Variants in PPFIBP1 observed in about 807,000 individuals in gnomAD.
PPFIBP1 encodes the protein liprin-beta-1.
In PPFIBP1, 112 loss-of-function variants were observed where a neutral mutation model predicts 137.8. The ratio of observed to expected loss-of-function variants is 0.81; its 90% confidence interval spans 0.70 to 0.95. The LOEUF (loss-of-function observed/expected upper bound fraction) is 0.95. PPFIBP1 is among the 40% of genes least tolerant of loss of function. The pLI, the probability that PPFIBP1 is intolerant of heterozygous loss-of-function variation, is 0.00. For missense variants in PPFIBP1, 1,083 were observed against 1,196.6 expected, an observed-to-expected ratio of 0.91 and a Z score of 1.40; for synonymous variants, 378 against 417.3, an observed-to-expected ratio of 0.91 and a Z score of 1.15.
At chr12:27,676,901 G>C in intron 18 of PPFIBP1, 163 bp from the exon 19 acceptor site, 1 of 860,250 alleles carries the variant, frequency 1.2e-6, no homozygotes, top group East Asian at 2.6e-5. Context: ...AATTAACATT[G>C]ACGTTGAGCC....
intron 2 of PPFIBP1, among the ~76,000 whole-genome samples, chr12:27,607,356 C>T (rs1337015863): frequency 6.6e-6 from 1 of 152,174 alleles, no homozygotes; most frequent in African/African-American, 2.4e-5. Flanking sequence ...AATGGCATTA[C>T]TAGGGGAAGC....
intron 22 of PPFIBP1, 25 bp downstream of exon 22, chr12:27,681,721 C>T (rs1174626179): frequency 6.2e-7 from 1 of 1,611,972 alleles, no homozygotes; most frequent in Non-Finnish European, 8.5e-7. Context: ...GTTTTGTTCA[C>T]ACAATGGATA....
At chr12:27,692,252 A>G (rs191136064) in intron 28 of PPFIBP1, among the ~76,000 whole-genome samples, 1 of 152,284 alleles carries the variant, frequency 6.6e-6, no homozygotes, top group East Asian at 1.9e-4. Flanking sequence ...ATATTTACCA[A>G]TATTTTGCCA....
chr12:27,687,336 C>A (rs1199817408), intron 24 of PPFIBP1, 49 bp from the exon 25 acceptor site: 1 of 1,576,124 alleles, frequency 6.3e-7, no homozygotes, highest in South Asian at 1.2e-5. Context: ...AGAAAGTCCT[C>A]CTGCTACAGG....
rs561082756 is a variant in PPFIBP1, at chr12:27,649,496, A to G, written c.472-514A>G. Among the ~76,000 whole-genome samples the G allele has an allele frequency of 3.3e-5, 5 of 152,330 alleles. No homozygotes were observed. In the South Asian group the frequency reaches 1.0e-3, roughly 32 times the overall value. ...CATATGTCTCCCTCAGTAAACTGAC[A>G]TGTGCTTATTTCTGTTCAAAGGAGG... On this transcript the variant is annotated intron_variant, in intron 6 of 29. Coordinates refer to ENST00000228425, the MANE Select transcript of PPFIBP1 (RefSeq NM_003622.4).
chr12:27,528,784 T>C lies in PPFIBP1; in HGVS notation c.-124+4419T>C, dbSNP rs148798081. 1.3e-5 allele frequency among the ~76,000 whole-genome samples: 2 copies of C among 152,162 alleles called. 1 individual carries two copies. Among genetic ancestry groups the C allele is most frequent in the African/African-American group, 4.8e-5 (2 of 41,504 alleles). On this transcript the variant is annotated intron_variant, in intron 1 of 29. Coordinates refer to ENST00000228425, the MANE Select transcript of PPFIBP1 (RefSeq NM_003622.4). ...TAAGTTTACGCACTTTTTAGGCAGT[T>C]TGGGGGAGGAGGAGAGAGAACCTGA...
chr12:27,613,924 A>C (rs536882158), intron 2 of PPFIBP1, among the ~76,000 whole-genome samples: 33 of 152,218 alleles, frequency 2.2e-4, no homozygotes, highest in African/African-American at 7.5e-4. Context: ...TGCCTTCCCC[A>C]CACACGTCCA....
At chr12:27,688,909 T>C (rs1054646686) in intron 26 of PPFIBP1, 106 bp from the exon 27 acceptor site, 1 of 1,058,208 alleles carries the variant, frequency 9.4e-7, no homozygotes, top group Non-Finnish European at 1.4e-6. Flanking sequence ...GTTGAGAGGA[T>C]CATTGGAGAT....
chr12:27,600,028 C>T (rs1242078506), intron 2 of PPFIBP1, among the ~76,000 whole-genome samples: 1 of 152,140 alleles, frequency 6.6e-6, no homozygotes. Flanking sequence ...CTGGTGTGAT[C>T]ATTGTACTAT....
chr12:27,547,865 A>T (rs185267042), intron 1 of PPFIBP1: 1 of 152,274 alleles, frequency 6.6e-6, no homozygotes, highest in Admixed American at 6.5e-5. Flanking sequence ...GCAGCTGGGG[A>T]TGGGTGTATT....
Position 27,633,350 on chromosome 12 carries a change from A to T in PPFIBP1, c.-35-12A>T. The T allele has an allele frequency of 1.3e-6, 2 of 1,567,748 alleles. No individual in the cohort carries two copies. The highest frequency in any genetic ancestry group is 1.8e-6 in the Non-Finnish European group (2 of 1,139,210). ...ATTTAATGGATGTAATGATAACCTT[A>T]TTTTTTTTCAGATCTGGGTTGGAAT... On this transcript the variant is annotated splice_polypyrimidine_tract_variant and intron_variant, in intron 2 of 29. Coordinates refer to ENST00000228425, the MANE Select transcript of PPFIBP1 (RefSeq NM_003622.4).
intron 9 of PPFIBP1, 77 bp downstream of exon 9, chr12:27,656,807 T>A (rs1188111275): frequency 1.0e-6 from 1 of 996,066 alleles, no homozygotes; most frequent in Admixed American, 1.9e-5. Context: ...CCAATGAAAA[T>A]CAATGTGTAG....
intron 8 of PPFIBP1, chr12:27,655,155 A>G (rs1490430536): frequency 6.5e-7 from 1 of 1,535,000 alleles, no homozygotes; most frequent in Admixed American, 2.0e-5. Flanking sequence ...TTTAATGGCC[A>G]AACTTTCTAG....
chr12:27,561,805 T>G (rs1466251576), intron 1 of PPFIBP1, among the ~76,000 whole-genome samples: 4 of 152,112 alleles, frequency 2.6e-5, no homozygotes, highest in Non-Finnish European at 5.9e-5. Flanking sequence ...ACTCATTTCC[T>G]TCACAGCCTT....
chr12:27,664,557 GT>G, intron 12 of PPFIBP1, 111 bp downstream of exon 12: 1 of 725,620 alleles, frequency 1.4e-6, no homozygotes, highest in Non-Finnish European at 2.4e-6. Flanking sequence ...CCCAAATTAG[GT>G]AGCTAATTCG....
intron 1 of PPFIBP1, among the ~76,000 whole-genome samples, chr12:27,535,834 G>C (rs1944938072): frequency 6.6e-6 from 1 of 152,178 alleles, no homozygotes; most frequent in Non-Finnish European, 1.5e-5. Flanking sequence ...TTCACTTCTT[G>C]ACATGTGCAC....
intron 2 of PPFIBP1, among the ~76,000 whole-genome samples, chr12:27,604,981 A>C (rs2054374617): frequency 6.6e-6 from 1 of 152,132 alleles, no homozygotes; most frequent in Non-Finnish European, 1.5e-5. Flanking sequence ...AGACCCATTC[A>C]CTATCACAAG....
chr12:27,606,861 A>C (rs1237855723), intron 2 of PPFIBP1, among the ~76,000 whole-genome samples: 5 of 152,202 alleles, frequency 3.3e-5, no homozygotes, highest in Non-Finnish European at 7.3e-5. Context: ...CTTAGAGTTT[A>C]GTTCGGTGCT....
chr12:27,585,506 T>C (rs1476245517), intron 2 of PPFIBP1, among the ~76,000 whole-genome samples: 1 of 152,246 alleles, frequency 6.6e-6, no homozygotes, highest in Non-Finnish European at 1.5e-5. Flanking sequence ...GCAGATTAAC[T>C]GTTCATTTTA....
Sources: allele counts gnomAD v4.1 joint callset (sites outside exome capture counted in the v4.1 genomes callset), GRCh38; gene constraint gnomAD v4.1.1; transcripts MANE v1.5; gene names NCBI Gene and HGNC (gene_info 2026-07-23, HGNC 2026-07-21).